Variants in NKAIN3 observed in about 807,000 individuals in gnomAD.
NKAIN3 encodes the protein sodium/potassium-transporting ATPase subunit beta-1-interacting protein 3.
A neutral mutation model predicts 30.2 loss-of-function variants in NKAIN3; 25 were observed. That is an observed-to-expected ratio of 0.83 (90% confidence interval 0.60 to 1.16). The LOEUF is 1.16. NKAIN3 is among the 50% of genes most tolerant of loss of function. The pLI, the probability that NKAIN3 is intolerant of heterozygous loss-of-function variation, is 0.00. For synonymous variants in NKAIN3, 91 were observed against 89.6 expected (o/e 1.02, Z -0.09); for missense variants, 225 against 254.1 (o/e 0.89, Z 0.78).
At chr8:62,429,548 A>C (rs1444303652) in intron 1 of NKAIN3, among the ~76,000 whole-genome samples, 2 of 151,844 alleles carry the variant, frequency 1.3e-5, no homozygotes, top group Admixed American at 1.3e-4. Context: ...ATATTGGCCT[A>C]TAGTTTTATT....
intron 1 of NKAIN3, among the ~76,000 whole-genome samples, chr8:62,458,604 G>C (rs1805894871): frequency 6.6e-6 from 1 of 152,166 alleles, no homozygotes. Flanking sequence ...TTTTCTAAAA[G>C]TTTGCCTTTG....
chr8:62,784,744 A>G (rs765664297), intron 4 of NKAIN3, among the ~76,000 whole-genome samples: 6 of 152,276 alleles, frequency 3.9e-5, no homozygotes, highest in Non-Finnish European at 8.8e-5. Context: ...ATGAAGGAGC[A>G]CTTCCCAGCT....
chr8:62,903,836 C>G (rs1288544177), intron 4 of NKAIN3, among the ~76,000 whole-genome samples: 1 of 151,956 alleles, frequency 6.6e-6, no homozygotes, highest in African/African-American at 2.4e-5. Flanking sequence ...GAATGAGTGC[C>G]AAGAGAAGGG....
intron 1 of NKAIN3, among the ~76,000 whole-genome samples, chr8:62,282,810 G>T (rs371899377): frequency 6.6e-6 from 1 of 152,118 alleles, no homozygotes; most frequent in African/African-American, 2.4e-5. Context: ...AGGCCTAAGG[G>T]CCTGAACTAA....
At chr8:62,869,672 C>T (rs1563603352) in intron 4 of NKAIN3, among the ~76,000 whole-genome samples, 1 of 152,182 alleles carries the variant, frequency 6.6e-6, no homozygotes, top group Non-Finnish European at 1.5e-5. Context: ...CACCAGCAAC[C>T]CCTTGCGGGG....
chr8:62,512,196 A>G (rs1309769437), intron 1 of NKAIN3, among the ~76,000 whole-genome samples: 2 of 152,160 alleles, frequency 1.3e-5, no homozygotes, highest in African/African-American at 4.8e-5. Flanking sequence ...TGCTAAAATT[A>G]TTGATAAATG....
intron 6 of NKAIN3, among the ~76,000 whole-genome samples, chr8:62,955,414 G>C (rs542231486): frequency 6.6e-6 from 1 of 152,180 alleles, no homozygotes; most frequent in East Asian, 1.9e-4. Flanking sequence ...CAATAATCAA[G>C]ATGATTAGTG....
chr8:62,427,373 G>A (rs1244959355), intron 1 of NKAIN3, among the ~76,000 whole-genome samples: 6 of 152,100 alleles, frequency 3.9e-5, no homozygotes, highest in African/African-American at 1.4e-4. Flanking sequence ...CTGAGGCTAT[G>A]ATGTGGACTC....
At chr8:62,778,306 C>T (rs1195718358) in intron 4 of NKAIN3, among the ~76,000 whole-genome samples, 1 of 152,088 alleles carries the variant, frequency 6.6e-6, no homozygotes. Context: ...TTCCTGCAGT[C>T]CAAGGTAGGT....
chr8:62,599,973 A>G (rs1585994921), intron 3 of NKAIN3, among the ~76,000 whole-genome samples: 1 of 152,170 alleles, frequency 6.6e-6, no homozygotes, highest in South Asian at 2.1e-4. Context: ...ATACATTTGG[A>G]ATTAAATATG....
At chr8:62,965,260 G>A in intron 6 of NKAIN3, 94 bp from the exon 7 acceptor site, 5 of 982,220 alleles carry the variant, frequency 5.1e-6, no homozygotes, top group Non-Finnish European at 6.0e-6. Flanking sequence ...GCACCCAGGA[G>A]CTATTTTGCA....
chr8:62,405,538 G>C (rs1227832928), intron 1 of NKAIN3, among the ~76,000 whole-genome samples: 3 of 152,212 alleles, frequency 2.0e-5, no homozygotes, highest in African/African-American at 7.2e-5. Context: ...CACTGTGACA[G>C]AGAAGCACTG....
At chr8:62,855,476 T>C in intron 4 of NKAIN3, 5 of 1,351,436 alleles carry the variant, frequency 3.7e-6, no homozygotes, top group Non-Finnish European at 5.3e-6. Flanking sequence ...ATCTTCATTA[T>C]TTTGTTTTCT....
chr8:62,318,619 A>G (rs574350967), intron 1 of NKAIN3, among the ~76,000 whole-genome samples: 2 of 152,102 alleles, frequency 1.3e-5, no homozygotes, highest in Admixed American at 1.3e-4. Flanking sequence ...GGTTCTGTTT[A>G]TATGCTGTAT....
intron 4 of NKAIN3, among the ~76,000 whole-genome samples, chr8:62,880,865 G>A (rs1041711640): frequency 2.6e-5 from 4 of 152,062 alleles, no homozygotes; most frequent in Non-Finnish European, 5.9e-5. Flanking sequence ...TTTTAAATTT[G>A]ATTAAAGAGC....
chr8:62,369,238 C>T (rs1341966443), intron 1 of NKAIN3, among the ~76,000 whole-genome samples: 9 of 151,990 alleles, frequency 5.9e-5, no homozygotes, highest in Admixed American at 5.9e-4. Flanking sequence ...GTGGCAAGCC[C>T]TTTCTGGTAT....
chr8:62,792,819 T>C (rs1313134577), intron 4 of NKAIN3, among the ~76,000 whole-genome samples: 1 of 152,068 alleles, frequency 6.6e-6, no homozygotes, highest in Non-Finnish European at 1.5e-5. Flanking sequence ...GACAATTTTA[T>C]GAAGATGTAA....
intron 1 of NKAIN3, among the ~76,000 whole-genome samples, chr8:62,567,660 A>G (rs1445524646): frequency 6.6e-6 from 1 of 152,074 alleles, no homozygotes; most frequent in Non-Finnish European, 1.5e-5. Context: ...AGATAGTGGA[A>G]GAGGGCCACC....
intron 4 of NKAIN3, among the ~76,000 whole-genome samples, chr8:62,871,623 G>C (rs1256437494): frequency 6.6e-6 from 1 of 152,248 alleles, no homozygotes; most frequent in Non-Finnish European, 1.5e-5. Flanking sequence ...TGAAGTCAGG[G>C]CATGGGATGC....
Sources: gnomAD v4.1 joint callset for allele counts (sites outside exome capture counted in the v4.1 genomes callset) on GRCh38, gnomAD v4.1.1 for gene constraint, MANE v1.5 for transcripts, NCBI Gene and HGNC (gene_info 2026-07-23, HGNC 2026-07-21) for gene names.